Variants in ARHGEF3 observed in about 807,000 individuals in gnomAD.
ARHGEF3 encodes the protein Rho guanine nucleotide exchange factor 3.
A neutral mutation model predicts 63.2 loss-of-function variants in ARHGEF3; 28 were observed. That is an observed-to-expected ratio of 0.44 (90% CI 0.33 to 0.61). The LOEUF is 0.61. ARHGEF3 is among the 20% of genes least tolerant of loss of function. The probability of loss-of-function intolerance (pLI) is 0.03; values close to 1 mark genes in which losing one functional copy is unlikely to be tolerated. For synonymous variants in ARHGEF3, 266 were observed against 254.2 expected (o/e 1.05, Z -0.44); for missense variants, 533 against 659.3 (o/e 0.81, Z 2.10).
intron 4 of ARHGEF3, among the ~76,000 whole-genome samples, chr3:56,876,031 T>G (rs372512110): frequency 6.6e-6 from 1 of 151,790 alleles, no homozygotes; most frequent in East Asian, 1.9e-4. Flanking sequence ...GAGCTAGATA[T>G]GAAGGGTAAG....
chr3:57,012,447 C>T (rs541187517), intron 2 of ARHGEF3, among the ~76,000 whole-genome samples: 8 of 152,222 alleles, frequency 5.3e-5, no homozygotes, highest in Admixed American at 1.3e-4. Context: ...TTAGTAGCGA[C>T]GGGGTTTCAC....
At chr3:56,841,682 C>T (rs1158277461) in intron 4 of ARHGEF3, among the ~76,000 whole-genome samples, 2 of 152,162 alleles carry the variant, frequency 1.3e-5, no homozygotes, top group Non-Finnish European at 2.9e-5. Flanking sequence ...TGATTCTATG[C>T]ATTTCAGAGT....
intron 3 of ARHGEF3, among the ~76,000 whole-genome samples, chr3:56,941,582 G>A (rs1186196455): frequency 6.6e-6 from 1 of 152,218 alleles, no homozygotes; most frequent in Non-Finnish European, 1.5e-5. Context: ...CCTGTTGCTT[G>A]TGGAAGATTG....
At chr3:57,008,827 C>T (rs895719752) in intron 2 of ARHGEF3, among the ~76,000 whole-genome samples, 5 of 152,182 alleles carry the variant, frequency 3.3e-5, no homozygotes, top group African/African-American at 1.2e-4. Context: ...GGGGCACAAG[C>T]ACAGCATCTC....
intron 1 of ARHGEF3, among the ~76,000 whole-genome samples, chr3:57,056,861 C>G (rs996565876): frequency 1.3e-5 from 2 of 151,906 alleles, no homozygotes; most frequent in Non-Finnish European, 2.9e-5. Context: ...ACCCTGAAAT[C>G]CTTCTATCCC....
chr3:56,769,768 A>G (rs1464423361), intron 2 of ARHGEF3, among the ~76,000 whole-genome samples: 1 of 152,222 alleles, frequency 6.6e-6, no homozygotes, highest in African/African-American at 2.4e-5. Context: ...CATCTCTTCT[A>G]TAATTAAAAG....
At chr3:56,898,631 TG>T in intron 3 of ARHGEF3, 1 of 268,906 alleles carries the variant, frequency 3.7e-6, no homozygotes. Flanking sequence ...GGGTGATCCC[TG>T]GAAGAACTGG....
intron 1 of ARHGEF3, among the ~76,000 whole-genome samples, chr3:57,076,419 G>C (rs1392496018): frequency 6.6e-6 from 1 of 152,158 alleles, no homozygotes; most frequent in Non-Finnish European, 1.5e-5. Context: ...GTCAGAACAC[G>C]AAGCAGACCA....
chr3:56,747,822 G>A lies in ARHGEF3; in HGVS notation c.613-2360C>T, dbSNP rs1041122583. ...CTTGGCGACAGAGAGAGACTGTCTC[G>A]GAAAAAAGGACAGACTCAGTAATAG... On this transcript the variant is annotated intron_variant, in intron 6 of 9. Transcript: ENST00000296315. Among the ~76,000 whole-genome samples the A allele has an allele frequency of 3.3e-5, 5 of 151,868 alleles. No individual in the cohort carries two copies. The East Asian group carries it at 5.8e-4, about 18-fold the overall frequency.
chr3:56,879,983 C>T (rs2040712343), intron 4 of ARHGEF3, among the ~76,000 whole-genome samples: 1 of 152,176 alleles, frequency 6.6e-6, no homozygotes, highest in Non-Finnish European at 1.5e-5. Flanking sequence ...CCCTCCATGG[C>T]CACATCTAGA....
intron 2 of ARHGEF3, chr3:56,977,237 G>A (rs1014672354): frequency 1.8e-5 from 8 of 456,458 alleles, no homozygotes; most frequent in Admixed American, 9.4e-5. Flanking sequence ...AAACTGGGGC[G>A]AGAAAAATGA....
At chr3:56,803,008 A>C (rs1459205149), upstream of ARHGEF3, among the ~76,000 whole-genome samples, 1 of 151,822 alleles carries the variant, frequency 6.6e-6, no homozygotes, top group African/African-American at 2.4e-5. Flanking sequence ...AGCATAATAC[A>C]ATACCATTTG....
chr3:56,815,408 G>A (rs915430100), intron 4 of ARHGEF3, among the ~76,000 whole-genome samples: 3 of 152,192 alleles, frequency 2.0e-5, no homozygotes, highest in Non-Finnish European at 4.4e-5. Flanking sequence ...ATGTACTGAT[G>A]AAAGCACCCT....
intron 4 of ARHGEF3, among the ~76,000 whole-genome samples, chr3:56,835,839 C>T (rs2039089476): frequency 6.6e-6 from 1 of 152,166 alleles, no homozygotes; most frequent in African/African-American, 2.4e-5. Flanking sequence ...ATGGTTCACC[C>T]CTGACCTCTG....
intron 4 of ARHGEF3, among the ~76,000 whole-genome samples, chr3:56,852,489 C>G: frequency 6.6e-6 from 1 of 152,144 alleles, no homozygotes; most frequent in Non-Finnish European, 1.5e-5. Context: ...CAGCCTGACA[C>G]ACTTACACAC....
At chr3:57,015,600 ATTTTTTTT>A (rs11290143) in intron 2 of ARHGEF3, among the ~76,000 whole-genome samples, 2 of 129,248 alleles carry the variant, frequency 1.5e-5, no homozygotes, top group Admixed American at 8.1e-5. Flanking sequence ...CGCCCTGCTA[ATTTTTTTT>A]TTTTTTTTTT....
chr3:56,943,287 A>G lies in ARHGEF3; in HGVS notation c.129+15536T>C, dbSNP rs548535733. ...TGACTTTAAGTTGAAGCCAATGCTC[A>G]TTGACCATTCTGAAAATCCCAGGGC... On this transcript the variant is annotated intron_variant, in intron 3 of 12. Transcript: ENST00000338458. Among the ~76,000 whole-genome samples the G allele has an allele frequency of 1.7e-4, 26 of 152,324 alleles. 1 individual carries two copies. In the South Asian group the frequency reaches 5.2e-3, roughly 30 times the overall value.
At chr3:56,801,625 G>A in intron 1 of ARHGEF3, 78 bp downstream of exon 1, 1 of 1,503,974 alleles carries the variant, frequency 6.6e-7, no homozygotes, top group South Asian at 1.3e-5. Flanking sequence ...ACACTGGACG[G>A]GCGCCGAGAA....
At chr3:57,068,168 TAC>T (rs55876198) in intron 1 of ARHGEF3, among the ~76,000 whole-genome samples, 3,972 of 149,064 alleles carry the variant, frequency 0.027, 78 homozygotes, top group Non-Finnish European at 0.038. Flanking sequence ...CACACACACA[TAC>T]ACACACACAC....
Sources: allele counts gnomAD v4.1 joint callset (sites outside exome capture counted in the v4.1 genomes callset), GRCh38; gene constraint gnomAD v4.1.1; transcripts MANE v1.5; gene names NCBI Gene and HGNC (gene_info 2026-07-23, HGNC 2026-07-21).